NRXN3: variants seen among roughly 807,000 people sequenced by gnomAD.
The protein encoded by NRXN3 is neurexin III.
A neutral mutation model predicts 137.6 loss-of-function variants in NRXN3; 32 were observed. The observed-to-expected ratio is 0.23, with a 90% CI of 0.18 to 0.31. NRXN3 has a LOEUF of 0.31. NRXN3 is among the 10% of genes least tolerant of loss of function. The probability of loss-of-function intolerance (pLI) is 1.00; values close to 1 mark genes in which losing one functional copy is unlikely to be tolerated. For missense variants in NRXN3, 1,574 were observed against 2,062.5 expected, an observed-to-expected ratio of 0.76 and a Z score of 4.59; for synonymous variants, 798 against 784.5, an observed-to-expected ratio of 1.02 and a Z score of -0.29.
chr14:78,572,743 T>C (rs1369535830), intron 4 of NRXN3, among the ~76,000 whole-genome samples: 1 of 152,236 alleles, frequency 6.6e-6, no homozygotes, highest in African/African-American at 2.4e-5. Flanking sequence ...ATATTTTACA[T>C]TTTTTGCTTT....
chr14:79,602,911 G>A (rs1307881401), intron 16 of NRXN3, among the ~76,000 whole-genome samples: 3 of 152,126 alleles, frequency 2.0e-5, no homozygotes, highest in African/African-American at 7.2e-5. Flanking sequence ...ATTTGATCGT[G>A]GCTCAAATGT....
chr14:79,779,476 A>T (rs2099107275), intron 19 of NRXN3, among the ~76,000 whole-genome samples: 1 of 152,102 alleles, frequency 6.6e-6, no homozygotes, highest in African/African-American at 2.4e-5. Context: ...TTTCTGTTGT[A>T]GTCTTTACCT....
chr14:79,516,963 G>A (rs1376726965), intron 16 of NRXN3, among the ~76,000 whole-genome samples: 2 of 151,828 alleles, frequency 1.3e-5, no homozygotes, highest in Admixed American at 6.6e-5. Context: ...CATTTTTTAC[G>A]CATGTTTGAG....
At chr14:79,654,530 G>A (rs2098495657) in intron 16 of NRXN3, among the ~76,000 whole-genome samples, 1 of 152,064 alleles carries the variant, frequency 6.6e-6, no homozygotes, top group Non-Finnish European at 1.5e-5. Context: ...GTCCAGCCGT[G>A]TCCCAATAAA....
At chr14:79,254,180 C>T (rs545854965) in intron 15 of NRXN3, among the ~76,000 whole-genome samples, 18 of 152,248 alleles carry the variant, frequency 1.2e-4, no homozygotes, top group African/African-American at 3.6e-4. Flanking sequence ...CCAAAAGTCC[C>T]CTCTGCCTTT....
rs1306407730 is a variant in NRXN3, at chr14:79,865,453, A to G, written c.*3489A>G. 6.6e-6 allele frequency: 1 copy of G among 152,184 alleles called. No individual in the cohort carries two copies. The highest frequency in any genetic ancestry group is 1.5e-5 in the Non-Finnish European group (1 of 68,036). The allele number at this position is 152,184 out of a possible 1,614,324, so 9.4% of individuals were successfully genotyped here. ...GTCCTTTATCCATATGTTGGTTACC[A>G]GTTTTCAAAGAGTTAGAATTTTAAA... On this transcript the variant is annotated 3_prime_UTR_variant, in exon 21 of 21. Coordinates refer to ENST00000335750, the MANE Select transcript of NRXN3 (RefSeq NM_001330195.2).
At chr14:79,536,811 A>G (rs2097215336) in intron 16 of NRXN3, among the ~76,000 whole-genome samples, 1 of 152,122 alleles carries the variant, frequency 6.6e-6, no homozygotes, top group African/African-American at 2.4e-5. Flanking sequence ...ATGGCTGCAT[A>G]GTATTCCATG....
rs146315012 is a variant in NRXN3 at position 79,800,207 on chromosome 14, C to G, written c.4015-4905C>G. On this transcript the variant is annotated intron_variant, in intron 19 of 20. Transcript: ENST00000335750. ...GTGAGGGGAAAAAATGTGAAGATGA[C>G]ATTGAACGCAACTTGATAAACATTC... Among the ~76,000 whole-genome samples, 244 of 152,282 alleles carry G rather than the reference C, an allele frequency of 1.6e-3. 2 individuals are homozygous for G. The highest frequency in any genetic ancestry group is 3.6e-3 in the African/African-American group (148 of 41,564).
At chr14:78,524,003 G>A (rs1386474013) in intron 4 of NRXN3, among the ~76,000 whole-genome samples, 2 of 151,900 alleles carry the variant, frequency 1.3e-5, no homozygotes, top group Non-Finnish European at 2.9e-5. Flanking sequence ...CAATGTCCTG[G>A]GTTCTGTTCA....
At chr14:78,730,145 A>T (rs184053778) in intron 8 of NRXN3, among the ~76,000 whole-genome samples, 1 of 152,282 alleles carries the variant, frequency 6.6e-6, no homozygotes. Context: ...GAGCGGCAAG[A>T]TTCAGTGTTG....
intron 10 of NRXN3, among the ~76,000 whole-genome samples, chr14:78,897,362 C>CT (rs929332906): frequency 1.6e-4 from 24 of 149,952 alleles, no homozygotes; most frequent in East Asian, 3.9e-4. Context: ...TTTTTTCTTT[C>CT]TTTTTTTTTG....
intron 19 of NRXN3, among the ~76,000 whole-genome samples, chr14:79,798,472 G>A (rs1202523533): frequency 6.6e-6 from 1 of 152,186 alleles, no homozygotes; most frequent in Non-Finnish European, 1.5e-5. Context: ...CTGCAGAGAT[G>A]TATGGCTGTT....
Position 79,217,001 on chromosome 14 carries a change from G to T in NRXN3, c.3262+228860G>T, listed in dbSNP as rs568726355. 2.9e-3 allele frequency among the ~76,000 whole-genome samples: 441 copies of T among 152,240 alleles called. 1 individual carries two copies. The highest frequency in any genetic ancestry group is 7.0e-3 in the South Asian group (34 of 4,824). On this transcript the variant is annotated intron_variant, in intron 15 of 20. Transcript: ENST00000335750. ...AGTACAAAAAAATTAGCCAGGCGTG[G>T]TGGCACATGCCTGTAGTCCCAGCTA...
intron 14 of NRXN3, among the ~76,000 whole-genome samples, chr14:78,979,932 CAT>C (rs770552083): frequency 6.6e-6 from 1 of 152,148 alleles, no homozygotes; most frequent in Non-Finnish European, 1.5e-5. Flanking sequence ...CCTCCCACAA[CAT>C]GTGGGAATTA....
rs552918264 is a variant in NRXN3, at chr14:79,676,432, A to G, written c.3616+12483A>G. Reference sequence around the variant, plus strand: ...TTTATTTTTTGCTTTTTGGATTCCAAAAAGTGAGATTGTATAGTATTTTTT... The same window carrying G: ...TTTATTTTTTGCTTTTTGGATTCCAGAAAGTGAGATTGTATAGTATTTTTT... On this transcript the variant is annotated intron_variant, in intron 17 of 20. Coordinates refer to ENST00000335750, the MANE Select transcript of NRXN3 (RefSeq NM_001330195.2). Among the ~76,000 whole-genome samples the G allele has an allele frequency of 1.4e-4, 21 of 151,940 alleles. No individual in the cohort carries two copies. The South Asian group carries it at 1.5e-3, about 11-fold the overall frequency.
In NRXN3 at chr14:78,527,843, G is replaced by A. The variant is rs973811973; in HGVS notation, c.758-117277G>A. On this transcript the variant is annotated intron_variant, in intron 4 of 20. Transcript: ENST00000335750. ...AATATCTCTCTTATTGAGAAGAAAT[G>A]CCTTCCTTATTTTCTTCTTAAAAAG... is the stretch of plus-strand genomic sequence containing the variant. Among the ~76,000 whole-genome samples the A allele has an allele frequency of 2.0e-5, 3 of 152,246 alleles. No homozygotes were observed. The South Asian group carries it at 6.2e-4, about 32-fold the overall frequency.
At chr14:78,279,324 G>A (rs945838453) in intron 3 of NRXN3, among the ~76,000 whole-genome samples, 2 of 152,150 alleles carry the variant, frequency 1.3e-5, no homozygotes, top group Admixed American at 6.5e-5. Flanking sequence ...TAAGCATTGC[G>A]TGTGTATAGA....
intron 19 of NRXN3, among the ~76,000 whole-genome samples, chr14:79,742,409 T>C (rs575402560): frequency 3.1e-4 from 47 of 152,234 alleles, no homozygotes; most frequent in African/African-American, 1.1e-3. Flanking sequence ...AAGATGTGTG[T>C]TAGTTAGACA....
chr14:78,510,653 T>C (rs1485036988), intron 4 of NRXN3, among the ~76,000 whole-genome samples: 1 of 152,226 alleles, frequency 6.6e-6, no homozygotes, highest in African/African-American at 2.4e-5. Context: ...CCCTGTTCTT[T>C]ATTAACTCTG....
Sources: gnomAD v4.1 joint callset for allele counts (sites outside exome capture counted in the v4.1 genomes callset) on GRCh38, gnomAD v4.1.1 for gene constraint, MANE v1.5 for transcripts, NCBI Gene and HGNC (gene_info 2026-07-23, HGNC 2026-07-21) for gene names.